The following TMEM163 variants were observed in gnomAD, a reference collection of about 807,000 sequenced individuals.
TMEM163 encodes the protein transmembrane protein 163.
TMEM163 carries 17 observed loss-of-function variants against 29.3 expected under a neutral mutation model. The observed-to-expected ratio is 0.58, with a 90% CI of 0.40 to 0.87. The LOEUF is 0.87. Ranked by LOEUF, TMEM163 falls within the 40% of genes least tolerant of loss-of-function variation. TMEM163 has a pLI of 0.00. For synonymous variants in TMEM163, 157 were observed against 160.6 expected, an observed-to-expected ratio of 0.98 and a Z score of 0.17; for missense variants, 303 against 381.5, an observed-to-expected ratio of 0.79 and a Z score of 1.71.
chr2:134,594,866 T>C (rs926897071), intron 2 of TMEM163, among the ~76,000 whole-genome samples: 1 of 151,742 alleles, frequency 6.6e-6, no homozygotes, highest in Admixed American at 6.6e-5. Flanking sequence ...TCTCTCTCTC[T>C]CTCTCTCTCT....
At chr2:134,570,093 A>G (rs1022598571) in intron 2 of TMEM163, among the ~76,000 whole-genome samples, 1 of 152,134 alleles carries the variant, frequency 6.6e-6, no homozygotes, top group African/African-American at 2.4e-5. Flanking sequence ...CTGGCAATCC[A>G]TGTATGTCAA....
intron 2 of TMEM163, among the ~76,000 whole-genome samples, chr2:134,582,093 C>T (rs1681708190): frequency 6.6e-6 from 1 of 152,078 alleles, no homozygotes; most frequent in African/African-American, 2.4e-5. Flanking sequence ...TTTCAGTTTC[C>T]TAGAAACCAC....
At chr2:134,673,162 T>C (rs1435880998) in intron 2 of TMEM163, among the ~76,000 whole-genome samples, 1 of 152,046 alleles carries the variant, frequency 6.6e-6, no homozygotes, top group African/African-American at 2.4e-5. Context: ...GGCCAGGTGG[T>C]AGAGGAACAC....
intron 2 of TMEM163, among the ~76,000 whole-genome samples, chr2:134,576,058 C>T (rs77307778): frequency 0.027 from 4,037 of 152,130 alleles, 156 homozygotes; most frequent in Middle Eastern, 0.16. Flanking sequence ...CAGGGCTGTG[C>T]GGTCAAGGGA....
chr2:134,631,651 GTTC>G (rs1004173332), intron 2 of TMEM163, among the ~76,000 whole-genome samples: 22 of 152,188 alleles, frequency 1.4e-4, no homozygotes, highest in African/African-American at 4.8e-4. Flanking sequence ...CTATTTCTGG[GTTC>G]TTCGTGTTCC....
chr2:134,591,099 C>A (rs1250549941), intron 2 of TMEM163, among the ~76,000 whole-genome samples: 1 of 152,168 alleles, frequency 6.6e-6, no homozygotes, highest in Non-Finnish European at 1.5e-5. Context: ...GAAATCTGTG[C>A]CTTATGCAAA....
intron 2 of TMEM163, among the ~76,000 whole-genome samples, chr2:134,673,761 A>G (rs189045120): frequency 1.1e-4 from 17 of 152,270 alleles, no homozygotes; most frequent in Admixed American, 1.1e-3. Flanking sequence ...AAAGGCAAGA[A>G]AGCAGATTCT....
chr2:134,614,332 G>A (rs2104820196), intron 2 of TMEM163, among the ~76,000 whole-genome samples: 1 of 151,962 alleles, frequency 6.6e-6, no homozygotes, highest in South Asian at 2.1e-4. Flanking sequence ...AATGAAACAT[G>A]AACTTTTATG....
intron 6 of TMEM163, among the ~76,000 whole-genome samples, chr2:134,463,948 G>C (rs1686606340): frequency 6.6e-6 from 1 of 152,216 alleles, no homozygotes; most frequent in African/African-American, 2.4e-5. Context: ...CTTGAGGAAG[G>C]GGGTCCTGCC....
At chr2:134,633,009 C>T (rs373527105) in intron 2 of TMEM163, among the ~76,000 whole-genome samples, 10 of 151,230 alleles carry the variant, frequency 6.6e-5, no homozygotes, top group East Asian at 2.0e-4. Flanking sequence ...CCGCCTGCCT[C>T]GGCCTCCCAA....
At chr2:134,670,597 A>C (rs1683973692) in intron 2 of TMEM163, among the ~76,000 whole-genome samples, 1 of 152,352 alleles carries the variant, frequency 6.6e-6, no homozygotes, top group South Asian at 2.1e-4. Context: ...ACGTTCATCA[A>C]ATTCACTGAG....
At chr2:134,562,175 G>A (rs1421039905) in intron 2 of TMEM163, among the ~76,000 whole-genome samples, 1 of 152,148 alleles carries the variant, frequency 6.6e-6, no homozygotes, top group South Asian at 2.1e-4. Flanking sequence ...GGGCCCCAAA[G>A]CTCCCTGCCC....
chr2:134,577,637 G>C (rs16830830), intron 2 of TMEM163, among the ~76,000 whole-genome samples: 1,685 of 152,266 alleles, frequency 0.011, 32 homozygotes, highest in African/African-American at 0.038. Context: ...TCACACTGCA[G>C]GTCTCCGCAG....
intron 2 of TMEM163, among the ~76,000 whole-genome samples, chr2:134,617,976 T>C (rs1682646037): frequency 6.6e-6 from 1 of 152,006 alleles, no homozygotes; most frequent in Admixed American, 6.6e-5. Flanking sequence ...TAGCCAGGCA[T>C]AGTGGCATGC....
chr2:134,493,997 T>C (rs1465056086), intron 5 of TMEM163, among the ~76,000 whole-genome samples: 2 of 151,808 alleles, frequency 1.3e-5, no homozygotes, highest in Non-Finnish European at 2.9e-5. Context: ...ACAAAGAAAG[T>C]ATCAAGTCCA....
At chr2:134,624,936 A>G (rs1246215252) in intron 2 of TMEM163, among the ~76,000 whole-genome samples, 1 of 152,124 alleles carries the variant, frequency 6.6e-6, no homozygotes, top group Admixed American at 6.5e-5. Flanking sequence ...AAATTTAAAA[A>G]TAATAAAAAT....
At chr2:134,706,847 G>A (rs984484315) in intron 2 of TMEM163, among the ~76,000 whole-genome samples, 4 of 152,172 alleles carry the variant, frequency 2.6e-5, no homozygotes, top group East Asian at 1.9e-4. Flanking sequence ...TGAAATATGC[G>A]TCCGTACTCC....
chr2:134,704,757 G>C (rs952155190), intron 2 of TMEM163, among the ~76,000 whole-genome samples: 2 of 152,192 alleles, frequency 1.3e-5, no homozygotes, highest in African/African-American at 4.8e-5. Flanking sequence ...TTCTGACACA[G>C]ATGAGCTCTT....
At chr2:134,553,790 G>A (rs1262206811) in intron 2 of TMEM163, among the ~76,000 whole-genome samples, 1 of 152,186 alleles carries the variant, frequency 6.6e-6, no homozygotes, top group Non-Finnish European at 1.5e-5. Flanking sequence ...CACAGGTATG[G>A]TGCTGTAAAG....
Sources: allele counts gnomAD v4.1 joint callset (sites outside exome capture counted in the v4.1 genomes callset), GRCh38; gene constraint gnomAD v4.1.1; transcripts MANE v1.5; gene names NCBI Gene and HGNC (gene_info 2026-07-23, HGNC 2026-07-21).